The following NFE2L3 variants were observed in gnomAD, a reference collection of about 807,000 sequenced individuals.
The protein encoded by NFE2L3 is NFE2 like bZIP transcription factor 3.
In NFE2L3, 18 loss-of-function variants were observed where a neutral mutation model predicts 23.5. The ratio of observed to expected loss-of-function variants is 0.77; its 90% CI spans 0.53 to 1.13. NFE2L3 has a LOEUF of 1.13. NFE2L3 is among the 50% of genes most tolerant of loss of function. The pLI, the probability that NFE2L3 is intolerant of heterozygous loss-of-function variation, is 0.00. For synonymous variants in NFE2L3, 424 were observed against 354.5 expected (o/e 1.20, Z -2.20); for missense variants, 1,152 against 877.2 (o/e 1.31, Z -3.96).
At chr7:26,175,182 T>TA (rs1253742313) in intron 1 of NFE2L3, among the ~76,000 whole-genome samples, 7 of 92,998 alleles carry the variant, frequency 7.5e-5, no homozygotes, top group African/African-American at 3.5e-4. Context: ...CCGTCTCTAC[T>TA]AAAAAATACC....
In NFE2L3 at chr7:26,152,516, G is replaced by A; in HGVS notation, c.18G>A (p.Arg6=). Residue 6 remains arginine, a synonymous_variant, in exon 1 of 4, where the codon CGG becomes CGA. Transcript: ENST00000056233. This position sits in a 1 kb window ranked among gnomAD's most constrained non-coding sequence, Gnocchi z 4.4. ...CGGCGGCGATGAAGCACCTGAAGCGGTGGTGGTCGGCCGGCGGCGGCCTCC... is the reference window on the plus strand; with the variant it reads ...CGGCGGCGATGAAGCACCTGAAGCGATGGTGGTCGGCCGGCGGCGGCCTCC... MKHLK[R]WWSAGGGLLH... is the part of the protein sequence containing the mutation. The A allele has an allele frequency of 9.2e-6, 13 of 1,409,342 alleles. No individual in the cohort carries two copies. The highest frequency in any genetic ancestry group is 1.2e-5 in the Non-Finnish European group (13 of 1,080,756). The allele number at this position is 1,409,342 out of a possible 1,614,324, so 87.3% of individuals were successfully genotyped here. A position where few individuals can be genotyped will look rare whatever the true frequency, so the allele number is the denominator to read the frequency against.
chr7:26,169,598 C>G (rs1294138263), intron 1 of NFE2L3, among the ~76,000 whole-genome samples: 1 of 152,210 alleles, frequency 6.6e-6, no homozygotes, highest in Non-Finnish European at 1.5e-5. Context: ...ATGCATCCCA[C>G]TAGCCCTGGA....
In NFE2L3 at chr7:26,152,326, T is replaced by G. The variant is rs578183074; in HGVS notation, c.-173T>G. Reference sequence around the variant, plus strand: ...GTGCCGGCTGCCGAGGGAACGCCTTTGTGCCCGGTGCTGGGAACCCGCGAC... The same window carrying G: ...GTGCCGGCTGCCGAGGGAACGCCTTGGTGCCCGGTGCTGGGAACCCGCGAC... On this transcript the variant is annotated 5_prime_UTR_variant, in exon 1 of 4. Transcript: ENST00000056233. This position sits in a 1 kb window ranked among gnomAD's most constrained non-coding sequence, Gnocchi z 4.4. 274 of 330,872 alleles carry G rather than the reference T, an allele frequency of 8.3e-4. No homozygotes were observed. Among genetic ancestry groups the G allele is most frequent in the Middle Eastern group, 3.6e-3 (4 of 1,100 alleles). 20.5% of individuals were successfully genotyped at this position (330,872 alleles called of 1,614,324 possible). A position where few individuals can be genotyped will look rare whatever the true frequency, so the allele number is the denominator to read the frequency against.
chr7:26,156,669 C>G (rs1440714461), intron 1 of NFE2L3, among the ~76,000 whole-genome samples: 1 of 152,216 alleles, frequency 6.6e-6, no homozygotes, highest in Non-Finnish European at 1.5e-5. Context: ...GGAACAGCTG[C>G]CTACAGCCAG....
At chr7:26,156,475 T>C (rs2128097153) in intron 1 of NFE2L3, among the ~76,000 whole-genome samples, 1 of 152,304 alleles carries the variant, frequency 6.6e-6, no homozygotes, top group East Asian at 1.9e-4. Context: ...GAGTACTGTT[T>C]TGGTTTCACT....
chr7:26,158,036 GTTTT>G (rs933453064), intron 1 of NFE2L3, among the ~76,000 whole-genome samples: 1 of 123,934 alleles, frequency 8.1e-6, no homozygotes, highest in Non-Finnish European at 1.8e-5. Flanking sequence ...TGTTGTTGGG[GTTTT>G]TTTGTTTTGT....
chr7:26,172,642 CAGTT>C (rs370510325), intron 1 of NFE2L3, among the ~76,000 whole-genome samples: 30 of 152,266 alleles, frequency 2.0e-4, no homozygotes, highest in African/African-American at 7.0e-4. Flanking sequence ...GGGCATCAAT[CAGTT>C]AGTTTGTAAA....
At chr7:26,180,259 G>A (rs939314261) in intron 2 of NFE2L3, among the ~76,000 whole-genome samples, 3 of 152,038 alleles carry the variant, frequency 2.0e-5, no homozygotes, top group African/African-American at 7.2e-5. Flanking sequence ...AAGGGGAGGG[G>A]GTAGAGAGCA....
At chr7:26,153,135 T>C in intron 1 of NFE2L3, 67 bp downstream of exon 1, 1 of 1,443,594 alleles carries the variant, frequency 6.9e-7, no homozygotes, top group South Asian at 1.4e-5. Flanking sequence ...GAGGCTTGTG[T>C]CGGATCTGAG....
chr7:26,170,447 G>A (rs1784317306), intron 1 of NFE2L3, among the ~76,000 whole-genome samples: 1 of 152,144 alleles, frequency 6.6e-6, no homozygotes, highest in Non-Finnish European at 1.5e-5. Flanking sequence ...CTAATGAGCT[G>A]TGTTTCTCAC....
At chr7:26,168,195 G>A (rs1784279035) in intron 1 of NFE2L3, among the ~76,000 whole-genome samples, 1 of 151,062 alleles carries the variant, frequency 6.6e-6, no homozygotes, top group East Asian at 2.0e-4. Flanking sequence ...GGAGTGCAAT[G>A]GTGTGATCTC....
chr7:26,173,522 A>C (rs1383677368), intron 1 of NFE2L3: 1 of 152,218 alleles, frequency 6.6e-6, no homozygotes, highest in East Asian at 1.9e-4. Context: ...TTTTAAACAA[A>C]GTTAGCTGCC....
At chr7:26,159,598 G>A (rs929197455) in intron 1 of NFE2L3, among the ~76,000 whole-genome samples, 5 of 152,158 alleles carry the variant, frequency 3.3e-5, no homozygotes, top group African/African-American at 1.2e-4. Flanking sequence ...AGATACCATG[G>A]GTGTGAAGGT....
intron 1 of NFE2L3, among the ~76,000 whole-genome samples, chr7:26,175,928 T>C (rs189166686): frequency 0.014 from 2,019 of 148,684 alleles, 50 homozygotes; most frequent in African/African-American, 0.047. Flanking sequence ...GGCAGGGTCA[T>C]AGGATAATAG....
rs1465566042 is a variant in NFE2L3, at chr7:26,185,061, T to C, written c.1363T>C (p.Ser455Pro). 6.2e-7 allele frequency: 1 copy of C among 1,613,786 alleles called. No homozygotes were observed. Residue 455 changes from serine (S) to proline (P), a missense_variant, in exon 4 of 4, where the codon TCT becomes CCT. By Grantham distance (74) the Ser-to-Pro change is moderately conservative (BLOSUM62 -1). Coordinates refer to ENST00000056233, the MANE Select transcript of NFE2L3 (RefSeq NM_004289.7). ...TATAGGTTATTGCACTGACCATGAA[T>C]CTAGTTCCCATCATGACTTAGAAGG... ...GAIGYCTDHESSSHHDLEGAV... is the reference protein window; with the variant it reads ...GAIGYCTDHEPSSHHDLEGAV...
At chr7:26,173,698 T>G (rs1583933166) in intron 1 of NFE2L3, 3 of 152,182 alleles carry the variant, frequency 2.0e-5, no homozygotes, top group African/African-American at 2.4e-5. Context: ...CTATCAGAAG[T>G]AAGATCTCTA....
chr7:26,161,045 C>T (rs1213575057), intron 1 of NFE2L3, among the ~76,000 whole-genome samples: 1 of 152,212 alleles, frequency 6.6e-6, no homozygotes, highest in Non-Finnish European at 1.5e-5. Context: ...ACCTCCAGGA[C>T]ACCCCTTGTC....
At chr7:26,173,371 T>C (rs1317818158) in intron 1 of NFE2L3, among the ~76,000 whole-genome samples, 1 of 152,210 alleles carries the variant, frequency 6.6e-6, no homozygotes, top group African/African-American at 2.4e-5. Flanking sequence ...ATAGGTGACA[T>C]TCTTGTGTTT....
intron 1 of NFE2L3, among the ~76,000 whole-genome samples, chr7:26,165,905 C>A (rs955875302): frequency 2.6e-5 from 4 of 152,180 alleles, no homozygotes; most frequent in Non-Finnish European, 5.9e-5. Flanking sequence ...TAATAATCAT[C>A]ACATATCTAG....
Sources: allele counts gnomAD v4.1 joint callset (sites outside exome capture counted in the v4.1 genomes callset), GRCh38; gene constraint gnomAD v4.1.1; non-coding constraint Gnocchi (gnomAD v3.1); transcripts MANE v1.5; gene names NCBI Gene and HGNC (gene_info 2026-07-23, HGNC 2026-07-21).